The following CEP95 variants were observed in gnomAD, a reference collection of about 807,000 sequenced individuals.
CEP95 encodes centrosomal protein 95.
Under a neutral mutation model 111.2 loss-of-function variants are expected in CEP95, and 98 were observed. The observed-to-expected ratio is 0.88, with a 90% confidence interval of 0.75 to 1.04. The LOEUF (loss-of-function observed/expected upper bound fraction) is 1.04. Ranked by LOEUF, CEP95 falls within the 50% of genes least tolerant of loss-of-function variation. The pLI, the probability that CEP95 is intolerant of heterozygous loss-of-function variation, is 0.00. For synonymous variants in CEP95, 323 were observed against 327.1 expected (o/e 0.99, Z 0.14); for missense variants, 1,027 against 977.2 (o/e 1.05, Z -0.68).
At chr17:64,522,639 G>GTATA (rs1400541045) in intron 7 of CEP95, 63 bp from the exon 8 acceptor site, 25 of 1,045,418 alleles carry the variant, frequency 2.4e-5, no homozygotes, top group Non-Finnish European at 3.3e-5. Context: ...ATGTATGTAT[G>GTATA]TATATAAAAT....
rs562803192 is a variant in CEP95, at chr17:64,522,742, G to A, written c.756G>A (p.Lys252=). ...TGAGTGGGATTCCAAATGCTAGGAA[G>A]CTAGGGGAGCCTATCCGAGCAGCTA... ...LSVSGIPNAR[K]LGEPIRAAIP... is the part of the protein sequence containing the mutation. The change falls in exon 8 of 20, where the codon AAG becomes AAA. Residue 252 remains lysine, a synonymous_variant. Coordinates refer to ENST00000556440, the MANE Select transcript of CEP95 (RefSeq NM_138363.3). The A allele has an allele frequency of 6.2e-6, 10 of 1,613,742 alleles. No homozygotes were observed. In the South Asian group the frequency reaches 9.9e-5, roughly 16 times the overall value.
chr17:64,518,909 G>C (rs1967092275), intron 5 of CEP95, among the ~76,000 whole-genome samples: 2 of 152,076 alleles, frequency 1.3e-5, no homozygotes, highest in African/African-American at 4.8e-5. Flanking sequence ...CGCAAACCCT[G>C]ACCTCAGGCA....
At position 64,522,804 on chromosome 17, in the gene CEP95, G is replaced by A. The variant is rs782639472; in HGVS notation, c.818G>A (p.Arg273Gln). The A allele has an allele frequency of 5.6e-6, 9 of 1,613,692 alleles. No homozygotes were observed. The highest frequency in any genetic ancestry group is 1.7e-4 in the Middle Eastern group (1 of 6,036). ...LHPPYHPSEPRAPCPIGKEYL... is the reference protein window; with the variant it reads ...LHPPYHPSEPQAPCPIGKEYL... ...CCACCCTACCACCCTTCAGAGCCTC[G>A]AGCACCCTGCCCCATAGGAAAAGAA... The change falls in exon 8 of 20, where the codon CGA becomes CAA. Residue 273 changes from arginine to glutamine, a missense_variant. Coordinates refer to ENST00000556440, the MANE Select transcript of CEP95 (RefSeq NM_138363.3).
intron 4 of CEP95, 30 bp downstream of exon 4, chr17:64,514,388 T>A: frequency 9.4e-7 from 1 of 1,061,940 alleles, no homozygotes; most frequent in South Asian, 1.4e-5. Flanking sequence ...TTTGGTTTGG[T>A]TTACCTTTTA....
At position 64,529,410 on chromosome 17, in the gene CEP95, C is replaced by T. The variant is rs782723299; in HGVS notation, c.1429C>T (p.Arg477Cys). The change falls in exon 12 of 20, where the codon CGC becomes TGC. Residue 477 changes from arginine to cysteine, a missense_variant. Coordinates refer to ENST00000556440, the MANE Select transcript of CEP95 (RefSeq NM_138363.3). Reference protein sequence around the residue: ...RQRKPRETDVRQFQAQAFTEA... With the variant: ...RQRKPRETDVCQFQAQAFTEA... ...GCGCAAGCCAAGAGAAACAGATGTC[C>T]GCCAATTCCAAGCACAGGTTCTTCC... The T allele has an allele frequency of 3.8e-5, 61 of 1,613,588 alleles. No individual in the cohort carries two copies. The highest frequency in any genetic ancestry group is 5.0e-5 in the Admixed American group (3 of 59,982).
chr17:64,524,570 C>G (rs1309493923), intron 8 of CEP95, among the ~76,000 whole-genome samples: 4 of 152,142 alleles, frequency 2.6e-5, no homozygotes, highest in Admixed American at 2.0e-4. Flanking sequence ...CTCTGCTTCC[C>G]AGATTGCTGA....
Position 64,537,909 on chromosome 17 carries a change from C to T in CEP95, c.*130C>T. 1 of 471,524 alleles carries T rather than the reference C, an allele frequency of 2.1e-6. No homozygotes were observed. The highest frequency in any genetic ancestry group is 3.5e-5 in the East Asian group (1 of 28,674). The allele number at this position is 471,524 out of a possible 1,614,324, so 29.2% of individuals were successfully genotyped here. A position where few individuals can be genotyped will look rare whatever the true frequency, so the allele number is the denominator to read the frequency against. ...CTTTACCTGTATTTTCATTCCAGTA[C>T]TTTTTATGATTTTTTAAATAAAAAT... is the stretch of plus-strand genomic sequence containing the variant. On this transcript the variant is annotated 3_prime_UTR_variant, in exon 20 of 20. Transcript: ENST00000556440.
chr17:64,508,519 G>T, intron 1 of CEP95, 73 bp from the exon 2 acceptor site: 1 of 1,255,512 alleles, frequency 8.0e-7, no homozygotes, highest in East Asian at 3.1e-5. Context: ...GGAGGTTGTT[G>T]GATTTTTTAA....
intron 3 of CEP95, among the ~76,000 whole-genome samples, chr17:64,513,797 G>C (rs2039007548): frequency 6.6e-6 from 1 of 152,040 alleles, no homozygotes; most frequent in African/African-American, 2.4e-5. Flanking sequence ...TTACTCTGCT[G>C]CTATAATCTT....
intron 5 of CEP95, 29 bp from the exon 6 acceptor site, chr17:64,519,292 G>A (rs972304145): frequency 6.6e-7 from 1 of 1,522,208 alleles, no homozygotes. Flanking sequence ...GTCAGGCTGG[G>A]CCCTGAGTGA....
intron 8 of CEP95, among the ~76,000 whole-genome samples, chr17:64,524,108 CATAAG>C (rs1555678569): frequency 6.6e-6 from 1 of 151,968 alleles, no homozygotes; most frequent in African/African-American, 2.4e-5. Context: ...AAAATGGAGT[CATAAG>C]ATAATGTTTA....
chr17:64,532,592 G>A, intron 14 of CEP95: 2 of 1,280,828 alleles, frequency 1.6e-6, no homozygotes, highest in Non-Finnish European at 2.0e-6. Flanking sequence ...TGAAGCGGCT[G>A]AGCAATTAGG....
At chr17:64,509,604 G>C (rs1468263211) in intron 2 of CEP95, among the ~76,000 whole-genome samples, 2 of 152,250 alleles carry the variant, frequency 1.3e-5, no homozygotes, top group Non-Finnish European at 2.9e-5. Context: ...AGAATTGCTT[G>C]AGCCGGGAAA....
In CEP95 at chr17:64,533,103, T is replaced by C. The variant is rs1276004466; in HGVS notation, c.1843-14T>C. ...AGCATTATTAACCTACTTAACTTCA[T>C]GTCCCCCTTCAAGATAGAAGAAGCC... On this transcript the variant is annotated splice_polypyrimidine_tract_variant and intron_variant, in intron 15 of 19. Transcript: ENST00000556440. The C allele has an allele frequency of 1.9e-6, 3 of 1,607,184 alleles. No individual in the cohort carries two copies. The South Asian group carries it at 3.3e-5, about 18-fold the overall frequency.
chr17:64,535,015 TAGAGG>T, intron 17 of CEP95: 1 of 403,452 alleles, frequency 2.5e-6, no homozygotes, highest in South Asian at 2.1e-5. Context: ...AAAACTACTT[TAGAGG>T]TTTGGGAACA....
chr17:64,518,042 A>T (rs779392186), intron 5 of CEP95, among the ~76,000 whole-genome samples: 1 of 151,766 alleles, frequency 6.6e-6, no homozygotes, highest in African/African-American at 2.4e-5. Context: ...ACGGCTGGCT[A>T]ATTTTTGTAT....
chr17:64,522,842 A>G lies in CEP95; in HGVS notation c.856A>G (p.Ser286Gly). Residue 286 changes from serine to glycine, a missense_variant, in exon 8 of 20, where the codon AGT (serine) becomes GGT (glycine). By Grantham distance (56) the Ser-to-Gly change is moderately conservative. Transcript: ENST00000556440. ...CPIGKEYLHS[S>G]HCSPAVNSTG... ...CATAGGAAAAGAATACTTGCATTCA[A>G]GTCACTGCTCCCCAGCCGTAAATTC... The G allele has an allele frequency of 6.2e-7, 1 of 1,613,500 alleles. No individual in the cohort carries two copies. The highest frequency in any genetic ancestry group is 8.5e-7 in the Non-Finnish European group (1 of 1,179,816).
At position 64,532,898 on chromosome 17, in the gene CEP95, G is replaced by T. The variant is rs782660783; in HGVS notation, c.1732G>T (p.Val578Phe). 9 of 1,613,868 alleles carry T rather than the reference G, an allele frequency of 5.6e-6. No individual in the cohort carries two copies. The South Asian group carries it at 8.8e-5, about 16-fold the overall frequency. Residue 578 changes from valine to phenylalanine, a missense_variant, in exon 15 of 20, where the codon GTT (valine) becomes TTT (phenylalanine). Coordinates refer to ENST00000556440, the MANE Select transcript of CEP95 (RefSeq NM_138363.3). The part of the protein sequence containing the change: ...LMLEQFPFLY[V>F]SGPTLSKMWK... ...GCTGGAGCAGTTTCCGTTTCTTTAT[G>T]TTTCTGGCCCAACACTAAGCAAAAT... is the stretch of plus-strand genomic sequence containing the variant.
intron 10 of CEP95, 107 bp downstream of exon 10, chr17:64,526,307 AATAGT>A: frequency 9.1e-7 from 1 of 1,098,376 alleles, no homozygotes; most frequent in Non-Finnish European, 1.3e-6. Context: ...GTGTCTTATT[AATAGT>A]TACTGTGAAA....
Sources: gnomAD v4.1 joint callset for allele counts (sites outside exome capture counted in the v4.1 genomes callset) on GRCh38, gnomAD v4.1.1 for gene constraint, MANE v1.5 for transcripts, NCBI Gene and HGNC (gene_info 2026-07-23, HGNC 2026-07-21) for gene names.